Variants in PPARGC1A observed in about 807,000 individuals in gnomAD.
The protein encoded by PPARGC1A is PPARG coactivator 1 alpha, also known as peroxisome proliferator-activated receptor gamma coactivator 1-alpha.
A neutral mutation model predicts 88.7 loss-of-function variants in PPARGC1A; 25 were observed. That is an observed-to-expected ratio of 0.28 (90% confidence interval 0.21 to 0.39). The LOEUF is 0.39. Ranked by LOEUF, PPARGC1A falls within the 10% of genes least tolerant of loss-of-function variation. The pLI, the probability that PPARGC1A is intolerant of heterozygous loss-of-function variation, is 1.00. For synonymous variants in PPARGC1A, 363 were observed against 355.6 expected (o/e 1.02, Z -0.24); for missense variants, 880 against 968.7 (o/e 0.91, Z 1.22).
the PPARGC1A span, among the ~76,000 whole-genome samples, chr4:23,930,603 C>T: frequency 5.3e-4 from 81 of 152,282 alleles, no homozygotes; most frequent in Non-Finnish European, 8.7e-4. Context: ...GAGCATATAT[C>T]ATTCAAGCTA....
the PPARGC1A span, among the ~76,000 whole-genome samples, chr4:24,411,598 A>G: frequency 6.6e-6 from 1 of 152,190 alleles, no homozygotes; most frequent in South Asian, 2.1e-4. Flanking sequence ...CAAATGCTTT[A>G]GGACATGCAA....
At chr4:24,094,218 A>G in the PPARGC1A span, among the ~76,000 whole-genome samples, 1 of 152,244 alleles carries the variant, frequency 6.6e-6, no homozygotes, top group Non-Finnish European at 1.5e-5. Flanking sequence ...AACAACAGGC[A>G]TTATGTGAAC....
the PPARGC1A span, among the ~76,000 whole-genome samples, chr4:24,270,723 A>G: frequency 1.5e-4 from 23 of 152,328 alleles, no homozygotes; most frequent in East Asian, 4.4e-3. Flanking sequence ...ATATCCACTG[A>G]TTGGTAGCTC....
the PPARGC1A span, among the ~76,000 whole-genome samples, chr4:24,227,321 A>G: frequency 6.6e-6 from 1 of 152,162 alleles, no homozygotes; most frequent in Non-Finnish European, 1.5e-5. Flanking sequence ...TCTTGAGCTC[A>G]GGCAATTTGC....
chr4:23,989,914 T>A, the PPARGC1A span, among the ~76,000 whole-genome samples: 1 of 150,560 alleles, frequency 6.6e-6, no homozygotes, highest in African/African-American at 2.4e-5. Flanking sequence ...TGTTGAAATT[T>A]TTTTTAATTA....
At chr4:24,332,769 G>A in the PPARGC1A span, among the ~76,000 whole-genome samples, 2 of 152,216 alleles carry the variant, frequency 1.3e-5, no homozygotes, top group African/African-American at 4.8e-5. Context: ...GGCTGAGGGA[G>A]TTAACAGATG....
rs571380493 is a variant in PPARGC1A, at chr4:23,899,236, C to A, written n.52+31G>T. The A allele has an allele frequency of 3.3e-5, 5 of 152,342 alleles. No homozygotes were observed. In the East Asian group the frequency reaches 5.8e-4, roughly 18 times the overall value. 9.4% of individuals were successfully genotyped at this position (152,342 alleles called of 1,614,324 possible). On this transcript the variant is annotated intron_variant and non_coding_transcript_variant, in intron 1 of 3. Transcript: ENST00000507342. ...AGGCCACACCTAACATTTTGTACAG[C>A]CATACAAAGCCACTAAGTGGGAACT...
At chr4:23,954,963 A>C in the PPARGC1A span, among the ~76,000 whole-genome samples, 5 of 152,204 alleles carry the variant, frequency 3.3e-5, no homozygotes, top group South Asian at 1.0e-3. Flanking sequence ...GCTGGGTATC[A>C]GTATTTGTAG....
At chr4:23,864,989 G>T (rs1345783703) in intron 2 of PPARGC1A, among the ~76,000 whole-genome samples, 1 of 152,152 alleles carries the variant, frequency 6.6e-6, no homozygotes, top group Non-Finnish European at 1.5e-5. Flanking sequence ...TTTGAGACCA[G>T]CCTGGGCAAC....
chr4:24,401,554 A>C, the PPARGC1A span, among the ~76,000 whole-genome samples: 2 of 152,204 alleles, frequency 1.3e-5, no homozygotes, highest in Admixed American at 1.3e-4. Context: ...GTTAATGTTT[A>C]CTGAGCATGT....
chr4:24,214,050 G>A, the PPARGC1A span, among the ~76,000 whole-genome samples: 1 of 152,134 alleles, frequency 6.6e-6, no homozygotes, highest in African/African-American at 2.4e-5. Context: ...TAAAAATTCC[G>A]ATCAGAATGG....
chr4:24,004,411 G>A, the PPARGC1A span, among the ~76,000 whole-genome samples: 1 of 152,340 alleles, frequency 6.6e-6, no homozygotes, highest in African/African-American at 2.4e-5. Flanking sequence ...GTCCACATCA[G>A]TTGGGATGAT....
At chr4:24,157,743 C>A in the PPARGC1A span, among the ~76,000 whole-genome samples, 4 of 152,106 alleles carry the variant, frequency 2.6e-5, no homozygotes, top group Admixed American at 1.3e-4. Flanking sequence ...CCTGATCCAA[C>A]CCCATCTTTC....
chr4:24,135,498 C>T, the PPARGC1A span, among the ~76,000 whole-genome samples: 1 of 152,046 alleles, frequency 6.6e-6, no homozygotes, highest in African/African-American at 2.4e-5. Context: ...ATTTTCTCCT[C>T]TCGTAAGAAA....
the PPARGC1A span, among the ~76,000 whole-genome samples, chr4:24,118,633 C>T: frequency 6.6e-6 from 1 of 152,118 alleles, no homozygotes; most frequent in African/African-American, 2.4e-5. Context: ...GAACCATTTT[C>T]CTCCATTCTA....
At chr4:24,032,372 A>T in the PPARGC1A span, among the ~76,000 whole-genome samples, 1 of 152,136 alleles carries the variant, frequency 6.6e-6, no homozygotes, top group African/African-American at 2.4e-5. Context: ...CTGGTGGCTT[A>T]TGGAGCCTCT....
the PPARGC1A span, among the ~76,000 whole-genome samples, chr4:24,326,732 T>G: frequency 6.6e-6 from 1 of 152,196 alleles, no homozygotes; most frequent in African/African-American, 2.4e-5. Flanking sequence ...ACAACTCCTT[T>G]CCTTCCTAGG....
At chr4:23,878,990 A>C (rs1011433297) in intron 2 of PPARGC1A, among the ~76,000 whole-genome samples, 1 of 152,198 alleles carries the variant, frequency 6.6e-6, no homozygotes, top group Non-Finnish European at 1.5e-5. Flanking sequence ...GTTCTCTGTA[A>C]GTGTCATTAC....
chr4:24,336,316 A>C, the PPARGC1A span, among the ~76,000 whole-genome samples: 1 of 152,196 alleles, frequency 6.6e-6, no homozygotes, highest in Non-Finnish European at 1.5e-5. Flanking sequence ...TGGTGAAGGT[A>C]CATCTCGAGC....
Sources: allele counts gnomAD v4.1 joint callset (sites outside exome capture counted in the v4.1 genomes callset), GRCh38; gene constraint gnomAD v4.1.1; transcripts MANE v1.5; gene names NCBI Gene and HGNC (gene_info 2026-07-23, HGNC 2026-07-21).